The following KIAA1217 variants were observed in gnomAD, a reference collection of about 807,000 sequenced individuals.
KIAA1217 encodes the protein KIAA1217.
In KIAA1217, 88 loss-of-function variants were observed where a neutral mutation model predicts 163.9. That is an observed-to-expected ratio of 0.54 (90% CI 0.45 to 0.64). The LOEUF (loss-of-function observed/expected upper bound fraction) is 0.64. Ranked by LOEUF, KIAA1217 falls within the 30% of genes least tolerant of loss-of-function variation. KIAA1217 has a pLI of 0.00. For missense variants in KIAA1217, 2,372 were observed against 2,475.0 expected, an observed-to-expected ratio of 0.96 and a Z score of 0.88; for synonymous variants, 903 against 923.1, an observed-to-expected ratio of 0.98 and a Z score of 0.39.
chr10:23,761,171 T>A (rs1433280171), intron 1 of KIAA1217, among the ~76,000 whole-genome samples: 1 of 152,172 alleles, frequency 6.6e-6, no homozygotes. Flanking sequence ...GAGGCTGAGG[T>A]GGGAAGATCA....
At chr10:24,224,758 T>C in intron 2 of KIAA1217, among the ~76,000 whole-genome samples, 1 of 152,112 alleles carries the variant, frequency 6.6e-6, no homozygotes. Flanking sequence ...AATATTCTGG[T>C]TTTTAGTGTC....
intron 1 of KIAA1217, among the ~76,000 whole-genome samples, chr10:23,993,300 A>G (rs1172703374): frequency 2.6e-5 from 4 of 151,600 alleles, no homozygotes; most frequent in Admixed American, 6.6e-5. Flanking sequence ...CCAAAGTGCT[A>G]GGACTACAGG....
At chr10:24,516,808 T>C (rs1321665693) in intron 10 of KIAA1217, among the ~76,000 whole-genome samples, 2 of 152,202 alleles carry the variant, frequency 1.3e-5, no homozygotes, top group Admixed American at 1.3e-4. Context: ...AAACGTCCTA[T>C]GGTATTCACC....
chr10:23,926,365 T>C (rs1369747256), intron 1 of KIAA1217, among the ~76,000 whole-genome samples: 1 of 152,170 alleles, frequency 6.6e-6, no homozygotes, highest in Non-Finnish European at 1.5e-5. Context: ...CATATGAAAA[T>C]GATGACCATG....
intron 2 of KIAA1217, among the ~76,000 whole-genome samples, chr10:24,347,977 C>A (rs2048002123): frequency 6.6e-6 from 1 of 152,176 alleles, no homozygotes. Flanking sequence ...TATTCATATG[C>A]ATGTCATTTG....
At chr10:23,877,912 A>G (rs958585275) in intron 1 of KIAA1217, among the ~76,000 whole-genome samples, 4 of 151,954 alleles carry the variant, frequency 2.6e-5, no homozygotes, top group African/African-American at 9.7e-5. Flanking sequence ...ACATCCAGGC[A>G]TTGGTTTTCC....
At chr10:23,932,822 G>T (rs1480034909) in intron 1 of KIAA1217, among the ~76,000 whole-genome samples, 3 of 152,144 alleles carry the variant, frequency 2.0e-5, no homozygotes, top group African/African-American at 7.2e-5. Flanking sequence ...TTTCTTTAGA[G>T]CATCCTGGCC....
chr10:23,706,121 G>T (rs183942484), intron 1 of KIAA1217, among the ~76,000 whole-genome samples: 272 of 152,054 alleles, frequency 1.8e-3, no homozygotes, highest in Non-Finnish European at 2.6e-3. Context: ...CTGCAACCTT[G>T]CTAAACAAAT....
At position 24,544,949 on chromosome 10, in the gene KIAA1217, T is replaced by C. The variant is rs770226764; in HGVS notation, c.5212-32T>C. ...GATGACCTACTCATGCGCTTCTCCT[T>C]CTCTTCCCCCTCTCACTGGTCCTTC... On this transcript the variant is annotated intron_variant, in intron 19 of 20. Coordinates refer to ENST00000376454, the MANE Select transcript of KIAA1217 (RefSeq NM_019590.5). The C allele has an allele frequency of 3.1e-6, 5 of 1,607,038 alleles. No homozygotes were observed. The East Asian group carries it at 8.9e-5, about 29-fold the overall frequency.
At chr10:23,748,685 G>A (rs186357987) in intron 1 of KIAA1217, among the ~76,000 whole-genome samples, 1 of 152,170 alleles carries the variant, frequency 6.6e-6, no homozygotes, top group African/African-American at 2.4e-5. Context: ...AGTTGGGGTT[G>A]AGACCCCTCT....
At chr10:24,347,138 G>A (rs776152964) in intron 2 of KIAA1217, among the ~76,000 whole-genome samples, 30 of 152,102 alleles carry the variant, frequency 2.0e-4, no homozygotes, top group Non-Finnish European at 3.4e-4. Context: ...CAGGAGTCAT[G>A]AAAAAAAGCC....
chr10:23,967,899 A>ATGTGTG (rs58562978), intron 1 of KIAA1217, among the ~76,000 whole-genome samples: 25,189 of 143,750 alleles, frequency 0.18, 2,166 homozygotes, highest in Non-Finnish European at 0.19. Context: ...AATATATTAA[A>ATGTGTG]TGTGTGTGTG....
intron 2 of KIAA1217, among the ~76,000 whole-genome samples, chr10:24,155,125 T>A (rs1488584154): frequency 6.6e-6 from 1 of 152,178 alleles, no homozygotes; most frequent in African/African-American, 2.4e-5. Context: ...ATGATTACGA[T>A]GATAAATGTT....
intron 1 of KIAA1217, among the ~76,000 whole-genome samples, chr10:23,973,016 A>G (rs997021538): frequency 2.0e-5 from 3 of 152,188 alleles, no homozygotes; most frequent in Non-Finnish European, 4.4e-5. Flanking sequence ...GCAAACCACC[A>G]TGTCACACAT....
intron 6 of KIAA1217, among the ~76,000 whole-genome samples, chr10:24,488,080 G>T (rs1213879358): frequency 2.0e-5 from 3 of 152,318 alleles, no homozygotes; most frequent in Non-Finnish European, 4.4e-5. Flanking sequence ...GAAATAGTTT[G>T]TATGAATAAG....
chr10:24,159,653 G>A (rs1466660530), intron 2 of KIAA1217, among the ~76,000 whole-genome samples: 1 of 152,002 alleles, frequency 6.6e-6, no homozygotes, highest in African/African-American at 2.4e-5. Context: ...CGTGCTGGCA[G>A]ACCCCTGTAG....
At position 24,210,471 on chromosome 10, in the gene KIAA1217, C is replaced by T. The variant is rs892117880; in HGVS notation, c.70+1208C>T. Among the ~76,000 whole-genome samples, 8 of 142,824 alleles carry T rather than the reference C, an allele frequency of 5.6e-5. No individual in the cohort carries two copies. The South Asian group carries it at 1.7e-3, about 30-fold the overall frequency. 93.7% of individuals were successfully genotyped at this position (142,824 alleles called of 152,430 possible). A position where few individuals can be genotyped will look rare whatever the true frequency, so the allele number is the denominator to read the frequency against. Reference sequence around the variant, plus strand: ...TACCTCGTCCCCCTGACCCCCGCAACCCCCCACCCCCATTTTCTAGGACAG... The same window carrying T: ...TACCTCGTCCCCCTGACCCCCGCAATCCCCCACCCCCATTTTCTAGGACAG... On this transcript the variant is annotated intron_variant, in intron 1 of 20. Transcript: ENST00000376454.
At chr10:23,728,952 A>C (rs1480136765) in intron 1 of KIAA1217, among the ~76,000 whole-genome samples, 2 of 152,092 alleles carry the variant, frequency 1.3e-5, no homozygotes, top group Non-Finnish European at 2.9e-5. Context: ...TGCTGCATCT[A>C]TTCACCCCTT....
intron 1 of KIAA1217, among the ~76,000 whole-genome samples, chr10:23,962,915 C>G (rs1263328883): frequency 6.6e-6 from 1 of 152,078 alleles, no homozygotes; most frequent in Non-Finnish European, 1.5e-5. Flanking sequence ...CAGGTCAGAT[C>G]TTGTGTCATT....
Sources: allele counts gnomAD v4.1 joint callset (sites outside exome capture counted in the v4.1 genomes callset), GRCh38; gene constraint gnomAD v4.1.1; transcripts MANE v1.5; gene names NCBI Gene and HGNC (gene_info 2026-07-23, HGNC 2026-07-21).